The following PAM variants were observed in gnomAD, a reference collection of about 807,000 sequenced individuals.
PAM encodes the protein peptidylglycine alpha-amidating monooxygenase, also known as peptidyl-glycine alpha-amidating monooxygenase.
PAM carries 72 observed loss-of-function variants against 122.1 expected under a neutral mutation model. The ratio of observed to expected loss-of-function variants is 0.59; its 90% CI spans 0.49 to 0.72. The LOEUF is 0.72. PAM is among the 30% of genes least tolerant of loss of function. The pLI, the probability that PAM is intolerant of heterozygous loss-of-function variation, is 0.00. For missense variants in PAM, 1,106 were observed against 1,183.7 expected (o/e 0.93, Z 0.96); for synonymous variants, 389 against 404.4 (o/e 0.96, Z 0.46).
chr5:102,900,595 TAATAATCC>T (rs1797539121), intron 3 of PAM, among the ~76,000 whole-genome samples: 1 of 151,726 alleles, frequency 6.6e-6, no homozygotes, highest in Admixed American at 6.6e-5. Context: ...CTCTGTGCAG[TAATAATCC>T]AGGAAGCATG....
chr5:102,874,740 AT>A (rs1192194389), intron 3 of PAM, among the ~76,000 whole-genome samples: 1 of 151,540 alleles, frequency 6.6e-6, no homozygotes, highest in Admixed American at 6.6e-5. Flanking sequence ...TTTGCTTTTT[AT>A]TTTTTTTCCT....
chr5:103,017,735 G>C (rs1782442430), intron 22 of PAM, among the ~76,000 whole-genome samples: 1 of 152,190 alleles, frequency 6.6e-6, no homozygotes, highest in Non-Finnish European at 1.5e-5. Context: ...TGGCAAAGCA[G>C]AGGGGCTGAC....
chr5:102,871,930 C>T (rs1787646388), intron 3 of PAM, among the ~76,000 whole-genome samples: 1 of 151,826 alleles, frequency 6.6e-6, no homozygotes, highest in Admixed American at 6.6e-5. Context: ...AGCTTAAGAA[C>T]TTACAAGTGC....
Position 102,987,288 on chromosome 5 carries a change from C to T in PAM, c.1484-2984C>T, listed in dbSNP as rs541296446. Among the ~76,000 whole-genome samples, 4 of 152,048 alleles carry T rather than the reference C, an allele frequency of 2.6e-5. No individual in the cohort carries two copies. The East Asian group carries it at 7.7e-4, about 29-fold the overall frequency. On this transcript the variant is annotated intron_variant, in intron 15 of 25. Coordinates refer to ENST00000438793, the MANE Select transcript of PAM (RefSeq NM_001177306.2). ...AGGTCATTATATTAAGTGAAATAAG[C>T]CAAAAATAGATAAATACCATATTCA...
At chr5:102,888,576 A>G (rs748081841) in intron 3 of PAM, among the ~76,000 whole-genome samples, 2 of 151,636 alleles carry the variant, frequency 1.3e-5, no homozygotes, top group Non-Finnish European at 2.9e-5. Context: ...CTAAAATGTC[A>G]CCTCTGTACC....
intron 1 of PAM, among the ~76,000 whole-genome samples, chr5:102,762,694 C>G (rs1361788525): frequency 6.6e-6 from 1 of 152,126 alleles, no homozygotes; most frequent in Non-Finnish European, 1.5e-5. Flanking sequence ...AAAAATTAGG[C>G]CTTGTCCTTT....
chr5:102,875,869 A>C (rs184118528), intron 3 of PAM, among the ~76,000 whole-genome samples: 1 of 152,250 alleles, frequency 6.6e-6, no homozygotes, highest in East Asian at 1.9e-4. Context: ...GATAGAAACA[A>C]TTGAATATGC....
At chr5:102,972,626 T>C (rs1347543563) in intron 14 of PAM, among the ~76,000 whole-genome samples, 1 of 152,224 alleles carries the variant, frequency 6.6e-6, no homozygotes, top group Non-Finnish European at 1.5e-5. Context: ...AATACTCTTG[T>C]ATTTTATTTC....
At chr5:102,941,886 C>T (rs983240546) in intron 7 of PAM, among the ~76,000 whole-genome samples, 2 of 142,494 alleles carry the variant, frequency 1.4e-5, no homozygotes, top group African/African-American at 5.2e-5. Flanking sequence ...TCATTAAAAC[C>T]AGAGTTTCAT....
chr5:102,905,102 T>G (rs1385879998), intron 4 of PAM, among the ~76,000 whole-genome samples: 1 of 151,680 alleles, frequency 6.6e-6, no homozygotes, highest in African/African-American at 2.4e-5. Flanking sequence ...GTGTGTTTTT[T>G]TTGTTGTTTT....
At chr5:103,010,486 T>C (rs533227317) in intron 21 of PAM, among the ~76,000 whole-genome samples, 7 of 152,322 alleles carry the variant, frequency 4.6e-5, no homozygotes, top group African/African-American at 1.7e-4. Flanking sequence ...TCAGTGTACT[T>C]ACTCTGCAGT....
intron 1 of PAM, among the ~76,000 whole-genome samples, chr5:102,769,825 G>C (rs760090359): frequency 6.6e-6 from 1 of 151,956 alleles, no homozygotes. Flanking sequence ...GGATAGCTTT[G>C]GCTATTCTGG....
chr5:102,898,539 T>C (rs765557856), intron 3 of PAM, among the ~76,000 whole-genome samples: 3 of 151,660 alleles, frequency 2.0e-5, no homozygotes, highest in Non-Finnish European at 4.4e-5. Flanking sequence ...CTGAGTTATG[T>C]ATATATTTTC....
chr5:102,992,487 A>AT lies in PAM; in HGVS notation c.1613+2092dup, dbSNP rs570371432. Reference sequence around the variant, plus strand: ...TTAGAAGTAGATTACTCTGTTAGTTATTTTTTAGGAAAATAAATTTGGATT... The same window carrying AT: ...TTAGAAGTAGATTACTCTGTTAGTTATTTTTTTAGGAAAATAAATTTGGATT... On this transcript the variant is annotated intron_variant, in intron 16 of 25. Transcript: ENST00000438793. Among the ~76,000 whole-genome samples, 1,015 of 152,172 alleles carry AT rather than the reference A, an allele frequency of 6.7e-3. 8 individuals are homozygous for AT. Among genetic ancestry groups the AT allele is most frequent in the Non-Finnish European group, 0.012 (847 of 67,982 alleles).
At chr5:102,830,872 CTG>C (rs1331872176) in intron 1 of PAM, among the ~76,000 whole-genome samples, 1 of 140,492 alleles carries the variant, frequency 7.1e-6, no homozygotes, top group African/African-American at 2.6e-5. Context: ...ACTTCTGACT[CTG>C]TATTTTGGAT....
chr5:102,853,009 A>G (rs573295232), intron 1 of PAM, among the ~76,000 whole-genome samples: 1 of 152,312 alleles, frequency 6.6e-6, no homozygotes, highest in Admixed American at 6.5e-5. Context: ...ACCATTTTAT[A>G]TTTCATTTGT....
intron 1 of PAM, among the ~76,000 whole-genome samples, chr5:102,805,345 G>A (rs574238023): frequency 2.6e-5 from 4 of 152,096 alleles, no homozygotes; most frequent in Non-Finnish European, 5.9e-5. Context: ...TGTGATTATA[G>A]GCATGAGCCA....
intron 3 of PAM, among the ~76,000 whole-genome samples, chr5:102,898,326 C>A (rs1366867311): frequency 1.3e-5 from 2 of 151,552 alleles, no homozygotes; most frequent in East Asian, 3.9e-4. Flanking sequence ...TGGCACCAAG[C>A]TCAGATACAG....
chr5:102,850,626 G>T (rs2150723528), intron 1 of PAM, among the ~76,000 whole-genome samples: 1 of 152,218 alleles, frequency 6.6e-6, no homozygotes, highest in East Asian at 1.9e-4. Flanking sequence ...CTTCAGAGTG[G>T]ACACAATTCA....
Sources: allele counts gnomAD v4.1 joint callset (sites outside exome capture counted in the v4.1 genomes callset), GRCh38; gene constraint gnomAD v4.1.1; transcripts MANE v1.5; gene names NCBI Gene and HGNC (gene_info 2026-07-23, HGNC 2026-07-21).